RMND5A: variants seen among roughly 807,000 people sequenced by gnomAD.
RMND5A encodes required for meiotic nuclear division 5 homolog A.
In RMND5A, 17 loss-of-function variants were observed where a neutral mutation model predicts 49.7. That is an observed-to-expected ratio of 0.34 (90% CI 0.23 to 0.51). The LOEUF is 0.51. Among genes scored for constraint, RMND5A ranks in the 20% least tolerant of loss-of-function variants. The probability of loss-of-function intolerance (pLI) is 0.96; values close to 1 mark genes in which losing one functional copy is unlikely to be tolerated. For missense variants in RMND5A, 255 were observed against 471.3 expected, an observed-to-expected ratio of 0.54 and a Z score of 4.25; for synonymous variants, 156 against 167.7, an observed-to-expected ratio of 0.93 and a Z score of 0.54.
intron 4 of RMND5A, among the ~76,000 whole-genome samples, chr2:86,754,592 A>C (rs557747866): frequency 6.6e-6 from 1 of 152,130 alleles, no homozygotes; most frequent in African/African-American, 2.4e-5. Context: ...TTTTTGAGAC[A>C]GGGTCTCACT....
intron 4 of RMND5A, among the ~76,000 whole-genome samples, chr2:86,762,704 TATATCATATATATCATATATATCATATA>T (rs1672522466): frequency 1.8e-4 from 3 of 17,072 alleles, no homozygotes; most frequent in Non-Finnish European, 3.0e-4. Context: ...ATATATCATA[TATATCATATATATCATATATATCATATA>T]TATCATATAT....
intron 4 of RMND5A, among the ~76,000 whole-genome samples, chr2:86,753,921 A>T (rs1161721175): frequency 6.6e-6 from 1 of 152,190 alleles, no homozygotes; most frequent in Non-Finnish European, 1.5e-5. Flanking sequence ...GCTGGGTTTT[A>T]TGCTAGCATT....
chr2:86,766,661 CAAAAAAAAAAAAA>C (rs59511898), intron 6 of RMND5A, among the ~76,000 whole-genome samples: 3 of 77,014 alleles, frequency 3.9e-5, no homozygotes, highest in East Asian at 4.4e-4. Context: ...GAGACTGTCT[CAAAAAAAAAAAAA>C]AAAAAAAAGA....
At chr2:86,742,925 G>A (rs1212911337) in intron 2 of RMND5A, among the ~76,000 whole-genome samples, 1 of 152,026 alleles carries the variant, frequency 6.6e-6, no homozygotes, top group Non-Finnish European at 1.5e-5. Context: ...TAATTCTAGT[G>A]TGTGGGCTAC....
intron 6 of RMND5A, among the ~76,000 whole-genome samples, chr2:86,766,540 T>C (rs887854123): frequency 1.3e-5 from 2 of 151,734 alleles, no homozygotes; most frequent in African/African-American, 4.8e-5. Flanking sequence ...GGCGGGTACC[T>C]TTAATCCCAG....
chr2:86,768,663 C>T (rs1314260870), intron 6 of RMND5A, among the ~76,000 whole-genome samples: 2 of 152,154 alleles, frequency 1.3e-5, no homozygotes, highest in African/African-American at 4.8e-5. Context: ...TGTACCCTCA[C>T]ATGGAGCAAT....
In RMND5A at chr2:86,776,467, A is replaced by G. The variant is rs1367613846; in HGVS notation, c.*3056A>G. On this transcript the variant is annotated 3_prime_UTR_variant, in exon 9 of 9. Transcript: ENST00000283632. The stretch of plus-strand genomic sequence containing the variant: ...ATAGAGACACTAAAACCCACACCAC[A>G]TTTTGTGGGAAATGAGGATCCTGAT... 6.6e-6 allele frequency: 1 copy of G among 152,198 alleles called. No homozygotes were observed. The highest frequency in any genetic ancestry group is 1.9e-4 in the East Asian group (1 of 5,200). The allele number at this position is 152,198 out of a possible 1,614,324, so 9.4% of individuals were successfully genotyped here.
At chr2:86,769,134 G>GT (rs1672646018) in intron 6 of RMND5A, among the ~76,000 whole-genome samples, 1 of 151,964 alleles carries the variant, frequency 6.6e-6, no homozygotes, top group Non-Finnish European at 1.5e-5. Flanking sequence ...TTGTAGAGAC[G>GT]GGGGTCTCAC....
intron 2 of RMND5A, among the ~76,000 whole-genome samples, chr2:86,744,589 A>G (rs1462725271): frequency 1.3e-5 from 2 of 152,186 alleles, no homozygotes; most frequent in African/African-American, 4.8e-5. Flanking sequence ...TTCCTTTTAT[A>G]TTTTAATACT....
At chr2:86,759,612 G>GCCCCCCCCCCCCCCCC (rs144501224) in intron 4 of RMND5A, among the ~76,000 whole-genome samples, 4 of 146,138 alleles carry the variant, frequency 2.7e-5, no homozygotes, top group Admixed American at 6.9e-5. Flanking sequence ...TAGTTTGCTT[G>GCCCCCCCCCCCCCCCC]CCCCCCCGCC....
At chr2:86,744,013 T>C (rs1681495145) in intron 2 of RMND5A, among the ~76,000 whole-genome samples, 2 of 152,070 alleles carry the variant, frequency 1.3e-5, no homozygotes, top group South Asian at 4.2e-4. Flanking sequence ...ACATACTATA[T>C]TATTTAGCTG....
At chr2:86,770,875 C>T (rs773549299) in intron 7 of RMND5A, among the ~76,000 whole-genome samples, 6 of 152,214 alleles carry the variant, frequency 3.9e-5, no homozygotes, top group Non-Finnish European at 8.8e-5. Flanking sequence ...CTGACAGGCA[C>T]TGAGGCTCTG....
At chr2:86,762,682 T>TATATATATG (rs1672519763) in intron 4 of RMND5A, among the ~76,000 whole-genome samples, 4 of 131,694 alleles carry the variant, frequency 3.0e-5, no homozygotes, top group African/African-American at 1.2e-4. Flanking sequence ...ATATATATCA[T>TATATATATG]ATATATATCA....
In RMND5A at chr2:86,771,725, CTT is replaced by C; in HGVS notation, c.1112+16_1112+17del. Reference sequence around the variant, plus strand: ...TTAATGGTAGCAAGTAAGTGTCTGACTTTTAAAAAATGTTAGCAAATAAATTT... The same window carrying C: ...TTAATGGTAGCAAGTAAGTGTCTGACTTAAAAAATGTTAGCAAATAAATTT... On this transcript the variant is annotated intron_variant, in intron 8 of 8. Transcript: ENST00000283632. 1 of 1,589,038 alleles carries C rather than the reference CTT, an allele frequency of 6.3e-7. No individual in the cohort carries two copies. Among genetic ancestry groups the C allele is most frequent in the South Asian group, 1.1e-5 (1 of 88,894 alleles).
rs888233099 is a variant in RMND5A at position 86,776,631 on chromosome 2, C to T, written c.*3220C>T. 6 of 152,168 alleles carry T rather than the reference C, an allele frequency of 3.9e-5. No individual in the cohort carries two copies. Among genetic ancestry groups the T allele is most frequent in the South Asian group, 2.1e-4 (1 of 4,828 alleles). The allele number at this position is 152,168 out of a possible 1,614,324, so 9.4% of individuals were successfully genotyped here. A position where few individuals can be genotyped will look rare whatever the true frequency, so the allele number is the denominator to read the frequency against. On this transcript the variant is annotated 3_prime_UTR_variant, in exon 9 of 9. Transcript: ENST00000283632. ...CAACAGCCAAGAACTCTTGGTTATCCGCACAAGCTGCTGGTAGACTACATT... is the reference window on the plus strand; with the variant it reads ...CAACAGCCAAGAACTCTTGGTTATCTGCACAAGCTGCTGGTAGACTACATT...
In RMND5A at chr2:86,771,729, TA is replaced by T; in HGVS notation, c.1112+23del. On this transcript the variant is annotated intron_variant, in intron 8 of 8. Coordinates refer to ENST00000283632, the MANE Select transcript of RMND5A (RefSeq NM_022780.4). Reference sequence around the variant, plus strand: ...TGGTAGCAAGTAAGTGTCTGACTTTTAAAAAATGTTAGCAAATAAATTTTGT... The same window carrying T: ...TGGTAGCAAGTAAGTGTCTGACTTTTAAAAATGTTAGCAAATAAATTTTGT... 6.3e-7 allele frequency: 1 copy of T among 1,588,520 alleles called. No homozygotes were observed. Among genetic ancestry groups the T allele is most frequent in the Non-Finnish European group, 8.6e-7 (1 of 1,162,038 alleles).
chr2:86,724,113 T>C (rs1344582913), intron 1 of RMND5A, among the ~76,000 whole-genome samples: 2 of 148,086 alleles, frequency 1.4e-5, no homozygotes, highest in African/African-American at 5.1e-5. Context: ...TTAAATGGGG[T>C]TGGACTGGTA....
rs546935953 is a variant in RMND5A, at chr2:86,775,710, C to A, written c.*2299C>A. 6.6e-6 allele frequency: 1 copy of A among 152,184 alleles called. No individual in the cohort carries two copies. Among genetic ancestry groups the A allele is most frequent in the African/African-American group, 2.4e-5 (1 of 41,444 alleles). The allele number at this position is 152,184 out of a possible 1,614,324, so 9.4% of individuals were successfully genotyped here. On this transcript the variant is annotated 3_prime_UTR_variant, in exon 9 of 9. Transcript: ENST00000283632. The stretch of plus-strand genomic sequence containing the variant: ...GGGTGAGGACCAAAAATCTGAAACT[C>A]TTATGAATCTGACATATTATATGGA...
rs536948355 is a variant in RMND5A at position 86,755,112 on chromosome 2, CT to C, written c.521+1570del. Among the ~76,000 whole-genome samples, 462 of 141,160 alleles carry C rather than the reference CT, an allele frequency of 3.3e-3. 3 individuals carry two copies. The highest frequency in any genetic ancestry group is 8.8e-3 in the East Asian group (43 of 4,914). 92.6% of individuals were successfully genotyped at this position (141,160 alleles called of 152,430 possible). ...CTTAAACAAAATATGGCAACAACTA[CT>C]TTTTTTTTTTTTTTTCCCAAAGAGA... On this transcript the variant is annotated intron_variant, in intron 4 of 8. Coordinates refer to ENST00000283632, the MANE Select transcript of RMND5A (RefSeq NM_022780.4).
Sources: gnomAD v4.1 joint callset for allele counts (sites outside exome capture counted in the v4.1 genomes callset) on GRCh38, gnomAD v4.1.1 for gene constraint, MANE v1.5 for transcripts, NCBI Gene and HGNC (gene_info 2026-07-23, HGNC 2026-07-21) for gene names.